The following SNTG2 variants were observed in gnomAD, a reference collection of about 807,000 sequenced individuals.
SNTG2 encodes the protein syntrophin gamma 2, also known as gamma-2-syntrophin.
A neutral mutation model predicts 70.9 loss-of-function variants in SNTG2; 74 were observed. That is an observed-to-expected ratio of 1.04 (90% CI 0.86 to 1.27). The LOEUF (loss-of-function observed/expected upper bound fraction) is 1.27. Ranked by LOEUF, SNTG2 falls within the 50% of genes most tolerant of loss-of-function variation. SNTG2 has a pLI of 0.00. For missense variants in SNTG2, 717 were observed against 690.7 expected (o/e 1.04, Z -0.43); for synonymous variants, 278 against 273.8 (o/e 1.02, Z -0.15).
intron 4 of SNTG2, among the ~76,000 whole-genome samples, chr2:1,135,233 T>A (rs2148325647): frequency 6.6e-6 from 1 of 152,290 alleles, no homozygotes; most frequent in South Asian, 2.1e-4. Flanking sequence ...GGTTATGCAT[T>A]TTGGTGCCTG....
At chr2:1,365,460 C>A (rs1260017322) in intron 16 of SNTG2, among the ~76,000 whole-genome samples, 1 of 152,218 alleles carries the variant, frequency 6.6e-6, no homozygotes, top group African/African-American at 2.4e-5. Context: ...CCTTTGGTTG[C>A]AGTCACTAGG....
chr2:1,367,307 A>G lies in SNTG2; in HGVS notation c.1489-36A>G. On this transcript the variant is annotated intron_variant, in intron 16 of 16. Transcript: ENST00000308624. Reference sequence around the variant, plus strand: ...ATTTTTGTAACGTGTTCTTCCAACAATTATAATAAACACTTGATCTGATTT... The same window carrying G: ...ATTTTTGTAACGTGTTCTTCCAACAGTTATAATAAACACTTGATCTGATTT... 2.7e-6 allele frequency: 4 copies of G among 1,494,012 alleles called. No homozygotes were observed. In the South Asian group the frequency reaches 5.2e-5, roughly 20 times the overall value. The allele number at this position is 1,494,012 out of a possible 1,614,324, so 92.5% of individuals were successfully genotyped here. A position where few individuals can be genotyped will look rare whatever the true frequency, so the allele number is the denominator to read the frequency against.
intron 1 of SNTG2, among the ~76,000 whole-genome samples, chr2:1,078,842 A>C (rs1269718300): frequency 6.6e-6 from 1 of 152,116 alleles, no homozygotes; most frequent in African/African-American, 2.4e-5. Flanking sequence ...TGAGTTGGAC[A>C]CTGAGGGTCA....
chr2:1,019,073 T>G (rs967408691), intron 1 of SNTG2, among the ~76,000 whole-genome samples: 3 of 152,190 alleles, frequency 2.0e-5, no homozygotes, highest in African/African-American at 7.2e-5. Context: ...GAGCAGGTGC[T>G]GTTAGGGGGG....
At chr2:1,115,753 A>T (rs1159813297) in intron 4 of SNTG2, among the ~76,000 whole-genome samples, 1 of 152,168 alleles carries the variant, frequency 6.6e-6, no homozygotes, top group Non-Finnish European at 1.5e-5. Context: ...TTTGAGAAGG[A>T]TCGTGTGTAC....
intron 9 of SNTG2, among the ~76,000 whole-genome samples, chr2:1,226,007 GAAA>G (rs879492996): frequency 4.4e-5 from 6 of 137,400 alleles, no homozygotes; most frequent in African/African-American, 1.3e-4. Context: ...CTGGAAAAAA[GAAA>G]AAAAAAAACC....
chr2:1,203,756 C>T (rs1372637218), intron 8 of SNTG2, among the ~76,000 whole-genome samples: 1 of 151,210 alleles, frequency 6.6e-6, no homozygotes, highest in East Asian at 1.9e-4. Context: ...CAATAGCCCT[C>T]ATGAATGTAG....
At chr2:1,082,021 A>G (rs925957099) in intron 1 of SNTG2, among the ~76,000 whole-genome samples, 7 of 152,160 alleles carry the variant, frequency 4.6e-5, no homozygotes, top group Non-Finnish European at 1.0e-4. Flanking sequence ...TGAAAGCCAG[A>G]GGAAACCACT....
intron 12 of SNTG2, among the ~76,000 whole-genome samples, chr2:1,255,895 A>AATATATAT (rs1362050677): frequency 3.1e-5 from 2 of 63,890 alleles, no homozygotes; most frequent in African/African-American, 1.1e-4. Flanking sequence ...AATATATATA[A>AATATATAT]ATATATATAT....
chr2:1,101,356 C>G (rs1034912536), intron 4 of SNTG2, among the ~76,000 whole-genome samples: 3 of 152,196 alleles, frequency 2.0e-5, no homozygotes, highest in Non-Finnish European at 4.4e-5. Flanking sequence ...CCACTGGGAT[C>G]CATTTCATCA....
chr2:991,686 G>T (rs1661498953), intron 1 of SNTG2, among the ~76,000 whole-genome samples: 1 of 152,146 alleles, frequency 6.6e-6, no homozygotes, highest in Non-Finnish European at 1.5e-5. Flanking sequence ...GGCATCTAGG[G>T]CTGATTGCTG....
intron 4 of SNTG2, among the ~76,000 whole-genome samples, chr2:1,112,668 A>G (rs1365812889): frequency 6.6e-6 from 1 of 151,398 alleles, no homozygotes. Flanking sequence ...TAACCCTTAC[A>G]GTCCTTTGAG....
At chr2:1,278,161 C>T (rs1332013716) in intron 14 of SNTG2, among the ~76,000 whole-genome samples, 2 of 152,226 alleles carry the variant, frequency 1.3e-5, no homozygotes, top group African/African-American at 4.8e-5. Flanking sequence ...ATAACATGCA[C>T]TTCACCTGCT....
At chr2:1,125,579 G>A (rs961018751) in intron 4 of SNTG2, among the ~76,000 whole-genome samples, 4 of 152,136 alleles carry the variant, frequency 2.6e-5, no homozygotes, top group African/African-American at 9.7e-5. Flanking sequence ...TTTCTAAGAT[G>A]AGTTATTGTA....
chr2:985,336 T>G (rs190005955), intron 1 of SNTG2, among the ~76,000 whole-genome samples: 1 of 152,254 alleles, frequency 6.6e-6, no homozygotes. Context: ...AAACGTTTCA[T>G]GCTAGAGCAA....
chr2:1,025,647 A>T (rs1323775023), intron 1 of SNTG2, among the ~76,000 whole-genome samples: 1 of 152,128 alleles, frequency 6.6e-6, no homozygotes, highest in Non-Finnish European at 1.5e-5. Flanking sequence ...CTTCACAGCC[A>T]GCGGTGCAGC....
At chr2:1,073,525 ATAACT>A (rs1194467730) in intron 1 of SNTG2, among the ~76,000 whole-genome samples, 1 of 152,246 alleles carries the variant, frequency 6.6e-6, no homozygotes, top group Admixed American at 6.5e-5. Flanking sequence ...TACTGTAAAC[ATAACT>A]TTTATATGCA....
At position 1,083,664 on chromosome 2, in the gene SNTG2, C is replaced by T. The variant is rs534294142; in HGVS notation, c.210+9C>T. 6.2e-7 allele frequency: 1 copy of T among 1,613,658 alleles called. No individual in the cohort carries two copies. The highest frequency in any genetic ancestry group is 2.2e-5 in the East Asian group (1 of 44,878). On this transcript the variant is annotated intron_variant, in intron 2 of 16. Coordinates refer to ENST00000308624, the MANE Select transcript of SNTG2 (RefSeq NM_018968.4). ...GCCACCAGGGCAGGAATGTAAGTGCCATCACTTCAGGGAAGTCTTGGAGTG... is the reference window on the plus strand; with the variant it reads ...GCCACCAGGGCAGGAATGTAAGTGCTATCACTTCAGGGAAGTCTTGGAGTG...
rs900573326 is a variant in SNTG2, at chr2:1,308,507, T to C, written c.1298T>C (p.Met433Thr). ...EVQRTGSRTY[M>T]CSWQGEMLCF... ...ACTTTTTTCTAGTCCAGAACATACA[T>C]GTGCAGCTGGCAAGGAGAGATGCTG... The change falls in exon 15 of 17, where the codon ATG (methionine) becomes ACG (threonine). Residue 433 changes from methionine to threonine, a missense_variant. Met to Thr is a moderately conservative substitution (Grantham distance 81). Transcript: ENST00000308624. 1.9e-6 allele frequency: 3 copies of C among 1,551,680 alleles called. No homozygotes were observed. Among genetic ancestry groups the C allele is most frequent in the African/African-American group, 1.4e-5 (1 of 73,152 alleles).
Sources: allele counts gnomAD v4.1 joint callset (sites outside exome capture counted in the v4.1 genomes callset), GRCh38; gene constraint gnomAD v4.1.1; transcripts MANE v1.5; gene names NCBI Gene and HGNC (gene_info 2026-07-23, HGNC 2026-07-21).